The following AKAP13 variants were observed in gnomAD, a reference collection of about 807,000 sequenced individuals.
AKAP13 encodes A-kinase anchor protein 13.
In AKAP13, 80 loss-of-function variants were observed where a neutral mutation model predicts 264.5. That is an observed-to-expected ratio of 0.30 (90% CI 0.25 to 0.36). The LOEUF is 0.36. AKAP13 is among the 10% of genes least tolerant of loss of function. AKAP13 has a pLI of 1.00. For missense variants in AKAP13, 3,712 were observed against 3,435.2 expected, an observed-to-expected ratio of 1.08 and a Z score of -2.01; for synonymous variants, 1,380 against 1,250.2, an observed-to-expected ratio of 1.10 and a Z score of -2.19.
At chr15:85,721,917 C>T in intron 23 of AKAP13, 74 bp from the exon 24 acceptor site, 1 of 1,587,636 alleles carries the variant, frequency 6.3e-7, no homozygotes, top group South Asian at 1.1e-5. Context: ...TACAACTAGA[C>T]TGGAAACATT....
chr15:85,671,847 T>C (rs1435352237), intron 14 of AKAP13, among the ~76,000 whole-genome samples: 3 of 152,184 alleles, frequency 2.0e-5, no homozygotes, highest in Non-Finnish European at 4.4e-5. Context: ...GTGGATATTG[T>C]ACTTCTACAG....
intron 5 of AKAP13, among the ~76,000 whole-genome samples, chr15:85,552,813 C>T (rs1234038368): frequency 1.3e-5 from 2 of 151,338 alleles, no homozygotes; most frequent in Non-Finnish European, 3.0e-5. Context: ...TATGTTTTTT[C>T]ACCGTGTTAG....
At chr15:85,538,917 G>T (rs1372061253) in intron 4 of AKAP13, among the ~76,000 whole-genome samples, 3 of 149,760 alleles carry the variant, frequency 2.0e-5, no homozygotes. Flanking sequence ...TGCAAGCTCT[G>T]CCTCCCAGGT....
At chr15:85,456,156 T>G (rs1300567085) in intron 1 of AKAP13, among the ~76,000 whole-genome samples, 1 of 152,216 alleles carries the variant, frequency 6.6e-6, no homozygotes, top group Non-Finnish European at 1.5e-5. Flanking sequence ...CAGTTCAGTT[T>G]TGGAGTAAAG....
chr15:85,677,993 CT>C (rs1205401937), intron 14 of AKAP13, among the ~76,000 whole-genome samples: 1 of 151,922 alleles, frequency 6.6e-6, no homozygotes, highest in East Asian at 1.9e-4. Context: ...TCCTTTTGAA[CT>C]TTTATTTTTA....
At chr15:85,668,354 C>T (rs1344888901) in intron 13 of AKAP13, among the ~76,000 whole-genome samples, 1 of 152,088 alleles carries the variant, frequency 6.6e-6, no homozygotes, top group Non-Finnish European at 1.5e-5. Flanking sequence ...ATGATAAAGT[C>T]AGTTAACAAT....
intron 5 of AKAP13, among the ~76,000 whole-genome samples, chr15:85,574,858 A>G (rs1596576095): frequency 1.3e-5 from 2 of 152,216 alleles, no homozygotes; most frequent in Non-Finnish European, 2.9e-5. Context: ...AATATTAACT[A>G]TTATTAGATC....
chr15:85,419,268 T>G (rs2072398791), intron 1 of AKAP13, among the ~76,000 whole-genome samples: 1 of 152,228 alleles, frequency 6.6e-6, no homozygotes, highest in African/African-American at 2.4e-5. Context: ...GAGATTTAAT[T>G]ATGGCAGCCT....
At chr15:85,447,086 A>G (rs2073925030) in intron 1 of AKAP13, among the ~76,000 whole-genome samples, 1 of 151,998 alleles carries the variant, frequency 6.6e-6, no homozygotes, top group South Asian at 2.1e-4. Flanking sequence ...GGCCAACATG[A>G]TGAAACTCCA....
chr15:85,567,865 C>G (rs1396126169), intron 5 of AKAP13, among the ~76,000 whole-genome samples: 1 of 152,058 alleles, frequency 6.6e-6, no homozygotes, highest in Non-Finnish European at 1.5e-5. Context: ...GACGCTGTCC[C>G]ACACCTAATA....
At chr15:85,444,867 A>G (rs371438109) in intron 1 of AKAP13, among the ~76,000 whole-genome samples, 1 of 152,282 alleles carries the variant, frequency 6.6e-6, no homozygotes, top group South Asian at 2.1e-4. Context: ...GTATTCTGTT[A>G]CCACAAAAGG....
intron 1 of AKAP13, among the ~76,000 whole-genome samples, chr15:85,407,254 GTC>G (rs1186817201): frequency 6.7e-6 from 1 of 148,916 alleles, no homozygotes; most frequent in Non-Finnish European, 1.5e-5. Context: ...TTGGGACGGA[GTC>G]TTGCTCTGTC....
chr15:85,582,788 C>T, intron 7 of AKAP13: 1 of 807,812 alleles, frequency 1.2e-6, no homozygotes, highest in South Asian at 5.6e-5. Context: ...AATTCAAGAC[C>T]CTGCACAGTG....
At chr15:85,690,134 A>G (rs1490452611) in intron 16 of AKAP13, 1 of 152,250 alleles carries the variant, frequency 6.6e-6, no homozygotes, top group Non-Finnish European at 1.5e-5. Flanking sequence ...AAAGCACTAA[A>G]TTCTAGTAAA....
At chr15:85,427,512 T>A (rs1282843046) in intron 1 of AKAP13, among the ~76,000 whole-genome samples, 3 of 152,186 alleles carry the variant, frequency 2.0e-5, no homozygotes, top group Non-Finnish European at 4.4e-5. Context: ...TGTAGTTGTG[T>A]GTGTGTGCGC....
rs1211403610 is a variant in AKAP13, at chr15:85,741,345, G to A, written c.7908G>A (p.Glu2636=). ...VQQGQQDLEK[E]REELQQKKGT... ...AGGGGCAGCAGGACCTGGAAAAGGA[G>A]CGGGAGGAGCTCCAGCAGAAGAAGG... Residue 2636 remains glutamate (E), a synonymous_variant, in exon 35 of 37, where the codon GAG becomes GAA. Coordinates refer to ENST00000394518, the MANE Select transcript of AKAP13 (RefSeq NM_007200.5). 1.6e-5 allele frequency: 26 copies of A among 1,613,748 alleles called. No homozygotes were observed. Among genetic ancestry groups the A allele is most frequent in the Non-Finnish European group, 1.9e-5 (22 of 1,179,976 alleles).
intron 1 of AKAP13, among the ~76,000 whole-genome samples, chr15:85,415,059 G>T (rs2072172986): frequency 6.6e-6 from 1 of 152,236 alleles, no homozygotes; most frequent in Non-Finnish European, 1.5e-5. Flanking sequence ...TTGCTCTCAG[G>T]TTTGGGGTGG....
At chr15:85,707,544 G>A (rs1246448059) in intron 17 of AKAP13, among the ~76,000 whole-genome samples, 8 of 152,206 alleles carry the variant, frequency 5.3e-5, no homozygotes, top group African/African-American at 1.9e-4. Context: ...TGTAACCCCT[G>A]TTAGGGGCTT....
At chr15:85,660,441 C>T (rs1337338430) in intron 12 of AKAP13, among the ~76,000 whole-genome samples, 1 of 148,502 alleles carries the variant, frequency 6.7e-6, no homozygotes, top group African/African-American at 2.5e-5. Context: ...TAAATCTCCT[C>T]ACAGTCTTCC....
Sources: allele counts gnomAD v4.1 joint callset (sites outside exome capture counted in the v4.1 genomes callset), GRCh38; gene constraint gnomAD v4.1.1; transcripts MANE v1.5; gene names NCBI Gene and HGNC (gene_info 2026-07-23, HGNC 2026-07-21).